Variants in HMG20A observed in about 807,000 individuals in gnomAD.
The protein encoded by HMG20A is high mobility group protein 20A.
In HMG20A, 17 loss-of-function variants were observed where a neutral mutation model predicts 43.9. The observed-to-expected ratio is 0.39, with a 90% CI of 0.27 to 0.58. The LOEUF is 0.58. Ranked by LOEUF, HMG20A falls within the 20% of genes least tolerant of loss-of-function variation. HMG20A has a pLI of 0.59. For missense variants in HMG20A, 341 were observed against 438.2 expected, an observed-to-expected ratio of 0.78 and a Z score of 1.98; for synonymous variants, 132 against 147.5, an observed-to-expected ratio of 0.89 and a Z score of 0.76.
chr15:77,470,264 C>T (rs1290228863), intron 4 of HMG20A, among the ~76,000 whole-genome samples: 1 of 152,134 alleles, frequency 6.6e-6, no homozygotes, highest in African/African-American at 2.4e-5. Flanking sequence ...AAGCATTAAA[C>T]AAAATAATCC....
At chr15:77,443,027 C>CTTT (rs998172099) in intron 1 of HMG20A, among the ~76,000 whole-genome samples, 79 of 118,684 alleles carry the variant, frequency 6.7e-4, no homozygotes, top group African/African-American at 9.5e-4. Context: ...CTACTTTGAA[C>CTTT]TTTTTTTTTT....
intron 1 of HMG20A, among the ~76,000 whole-genome samples, chr15:77,427,839 T>C (rs1473479469): frequency 3.3e-5 from 5 of 152,246 alleles, no homozygotes; most frequent in African/African-American, 1.2e-4. Flanking sequence ...AGGCACTACA[T>C]GTTATCTTAA....
At chr15:77,474,815 A>G (rs1462755079) in intron 6 of HMG20A, among the ~76,000 whole-genome samples, 3 of 152,206 alleles carry the variant, frequency 2.0e-5, no homozygotes, top group Non-Finnish European at 2.9e-5. Context: ...TGAGAGAAGC[A>G]CATATCACAC....
downstream of HMG20A, among the ~76,000 whole-genome samples, chr15:77,488,438 A>G (rs184541826): frequency 2.6e-5 from 4 of 152,362 alleles, no homozygotes; most frequent in East Asian, 7.7e-4. Flanking sequence ...TAATAGTTTT[A>G]ATAGAGACAA....
rs182188818 is a variant in HMG20A at position 77,469,944 on chromosome 15, G to A, written c.451-966G>A. 4.8e-3 allele frequency among the ~76,000 whole-genome samples: 736 copies of A among 152,036 alleles called. 5 individuals carry two copies. Among genetic ancestry groups the A allele is most frequent in the African/African-American group, 0.017 (706 of 41,462 alleles). On this transcript the variant is annotated intron_variant, in intron 4 of 9. Transcript: ENST00000336216. ...CGGTCTCCCAAAATGTTGGGATTAC[G>A]TGCGTGAGCCACCACGCTCAGCCTC...
intron 1 of HMG20A, among the ~76,000 whole-genome samples, chr15:77,446,806 C>CAAA (rs77491209): frequency 1.3e-5 from 1 of 74,762 alleles, no homozygotes. Flanking sequence ...GACTCCGTCT[C>CAAA]AAAAAAAAAA....
the HMG20A span, among the ~76,000 whole-genome samples, chr15:77,500,398 T>TC: frequency 4.6e-5 from 7 of 152,188 alleles, no homozygotes; most frequent in African/African-American, 1.7e-4. Context: ...TTCTTTATAT[T>TC]CCCCCTTTTC....
chr15:77,477,614 C>T lies in HMG20A; in HGVS notation c.675C>T (p.Phe225=). The part of the protein sequence containing the change: ...VFDIPIFTEE[F]LNHSKAREAE... The stretch of plus-strand genomic sequence containing the variant: ...ACATCCCTATATTTACAGAGGAATT[C>T]TTGAACCATAGCAAAGGTGATTACT... The change falls in exon 7 of 10, where the codon TTC becomes TTT. Residue 225 remains phenylalanine, a synonymous_variant. Transcript: ENST00000336216. The T allele has an allele frequency of 6.2e-7, 1 of 1,610,414 alleles. No homozygotes were observed. The highest frequency in any genetic ancestry group is 8.5e-7 in the Non-Finnish European group (1 of 1,177,064).
intron 2 of HMG20A, among the ~76,000 whole-genome samples, chr15:77,459,566 AG>A (rs1331802854): frequency 6.6e-6 from 1 of 152,208 alleles, no homozygotes; most frequent in Non-Finnish European, 1.5e-5. Context: ...GTGTTTAATG[AG>A]AAAGTGACTT....
At chr15:77,478,166 G>A (rs2072873234) in intron 7 of HMG20A, 129 bp from the exon 8 acceptor site, 1 of 783,034 alleles carries the variant, frequency 1.3e-6, no homozygotes, top group Non-Finnish European at 2.2e-6. Flanking sequence ...ATGCCATAAT[G>A]AGAATAGGGA....
chr15:77,446,247 T>C (rs2073672564), intron 1 of HMG20A, among the ~76,000 whole-genome samples: 1 of 152,200 alleles, frequency 6.6e-6, no homozygotes, highest in Admixed American at 6.5e-5. Context: ...TTTTCTCATA[T>C]ATTTGAATAA....
intron 1 of HMG20A, among the ~76,000 whole-genome samples, chr15:77,454,878 T>C (rs1025551412): frequency 6.6e-6 from 1 of 152,078 alleles, no homozygotes; most frequent in Non-Finnish European, 1.5e-5. Context: ...ATGAGGTTGA[T>C]ATAACCAAGG....
At chr15:77,449,787 A>G (rs1252271293) in intron 1 of HMG20A, among the ~76,000 whole-genome samples, 1 of 152,184 alleles carries the variant, frequency 6.6e-6, no homozygotes, top group East Asian at 1.9e-4. Flanking sequence ...CATCTGTTAC[A>G]ATCAATGAAC....
the HMG20A span, among the ~76,000 whole-genome samples, chr15:77,510,102 C>T: frequency 6.6e-6 from 1 of 152,098 alleles, no homozygotes; most frequent in Non-Finnish European, 1.5e-5. Flanking sequence ...GGGGCATCTG[C>T]GGGTGTATGG....
the HMG20A span, among the ~76,000 whole-genome samples, chr15:77,502,316 C>G: frequency 6.6e-6 from 1 of 152,138 alleles, no homozygotes; most frequent in African/African-American, 2.4e-5. Context: ...TTTGCCAAGC[C>G]CTGCTCTAAG....
At chr15:77,421,027 G>T in intron 1 of HMG20A, 23 bp downstream of exon 1, 1 of 398,760 alleles carries the variant, frequency 2.5e-6, no homozygotes, top group Non-Finnish European at 4.4e-6. Flanking sequence ...GGCGAGCTTG[G>T]GGGTGGCCCC....
chr15:77,438,040 T>A (rs1158319054), intron 1 of HMG20A, among the ~76,000 whole-genome samples: 1 of 152,024 alleles, frequency 6.6e-6, no homozygotes, highest in East Asian at 1.9e-4. Flanking sequence ...CACTGCAGCC[T>A]TGAACTCCTA....
At chr15:77,508,346 C>A in the HMG20A span, among the ~76,000 whole-genome samples, 2 of 152,206 alleles carry the variant, frequency 1.3e-5, no homozygotes, top group South Asian at 4.1e-4. Context: ...CCCTTCGTTG[C>A]TTCTTGCAGG....
At chr15:77,440,994 G>A (rs2073606792) in intron 1 of HMG20A, among the ~76,000 whole-genome samples, 1 of 152,014 alleles carries the variant, frequency 6.6e-6, no homozygotes, top group African/African-American at 2.4e-5. Context: ...AATAGTGCCT[G>A]GTACTTAGTA....
Sources: gnomAD v4.1 joint callset for allele counts (sites outside exome capture counted in the v4.1 genomes callset) on GRCh38, gnomAD v4.1.1 for gene constraint, MANE v1.5 for transcripts, NCBI Gene and HGNC (gene_info 2026-07-23, HGNC 2026-07-21) for gene names.